The following COBLL1 variants were observed in gnomAD, a reference collection of about 807,000 sequenced individuals.
The protein encoded by COBLL1 is cordon-bleu protein-like 1.
A neutral mutation model predicts 94.8 loss-of-function variants in COBLL1; 50 were observed. The ratio of observed to expected loss-of-function variants is 0.53; its 90% CI spans 0.42 to 0.67. The LOEUF (loss-of-function observed/expected upper bound fraction) is 0.67, where lower values mean the gene tolerates loss of function less well. Among genes scored for constraint, COBLL1 ranks in the 30% least tolerant of loss-of-function variants. The pLI, the probability that COBLL1 is intolerant of heterozygous loss-of-function variation, is 0.00. For synonymous variants in COBLL1, 448 were observed against 473.8 expected (o/e 0.95, Z 0.71); for missense variants, 1,362 against 1,348.7 (o/e 1.01, Z -0.15).
At chr2:164,719,078 C>G (rs1685319451) in intron 7 of COBLL1, among the ~76,000 whole-genome samples, 1 of 152,072 alleles carries the variant, frequency 6.6e-6, no homozygotes, top group African/African-American at 2.4e-5. Flanking sequence ...ATTTCAAAGA[C>G]ACATTAAGTA....
intron 13 of COBLL1, among the ~76,000 whole-genome samples, chr2:164,691,785 T>C (rs1683608928): frequency 6.6e-6 from 1 of 152,218 alleles, no homozygotes; most frequent in African/African-American, 2.4e-5. Flanking sequence ...CACTTTTTTT[T>C]GGTTTAACCT....
intron 7 of COBLL1, among the ~76,000 whole-genome samples, chr2:164,717,916 GTACAGTA>G (rs1685255929): frequency 6.6e-6 from 1 of 152,158 alleles, no homozygotes; most frequent in Non-Finnish European, 1.5e-5. Flanking sequence ...ATTATGCAAT[GTACAGTA>G]TAGTTTAGTT....
chr2:164,726,224 A>C (rs1323718162), intron 5 of COBLL1, among the ~76,000 whole-genome samples: 2 of 152,202 alleles, frequency 1.3e-5, no homozygotes, highest in Non-Finnish European at 2.9e-5. Context: ...AGTCAAGTAC[A>C]AGTAATAAAA....
intron 7 of COBLL1, chr2:164,718,224 G>T (rs1685273557): frequency 2.0e-6 from 2 of 981,916 alleles, no homozygotes. Context: ...GAATTTTGCT[G>T]GAGAACACAA....
chr2:164,708,266 T>C (rs1684706883), intron 7 of COBLL1, among the ~76,000 whole-genome samples: 1 of 152,104 alleles, frequency 6.6e-6, no homozygotes, highest in African/African-American at 2.4e-5. Context: ...CAGCAAGAAA[T>C]GAGTTAAAGC....
At chr2:164,666,718 C>T (rs905367684) in intron 1 of COBLL1, among the ~76,000 whole-genome samples, 2 of 152,192 alleles carry the variant, frequency 1.3e-5, no homozygotes, top group African/African-American at 4.8e-5. Context: ...CAAAAGAACA[C>T]TTTCTTTGCT....
At chr2:164,728,417 C>T (rs552482398) in intron 4 of COBLL1, among the ~76,000 whole-genome samples, 3 of 152,108 alleles carry the variant, frequency 2.0e-5, no homozygotes, top group African/African-American at 4.8e-5. Context: ...ATAATCCAAC[C>T]ATTCTATAGT....
intron 7 of COBLL1, among the ~76,000 whole-genome samples, chr2:164,717,700 C>CACCAACATGCA (rs752572360): frequency 3.3e-5 from 5 of 152,144 alleles, no homozygotes; most frequent in Non-Finnish European, 7.4e-5. Flanking sequence ...ACTGCAGGCA[C>CACCAACATGCA]ACACCAACAT....
chr2:164,704,975 C>A lies in COBLL1; in HGVS notation c.1127G>T (p.Ser376Ile). 6.3e-7 allele frequency: 1 copy of A among 1,591,580 alleles called. No homozygotes were observed. Among genetic ancestry groups the A allele is most frequent in the Non-Finnish European group, 8.5e-7 (1 of 1,172,030 alleles). ...ACCAGTCACACGACTATTTTCATCA[C>A]TTTGATGCGGGGGTATTTTGGAGGG... ...SPPSKIPPHQ[S>I]DENSRVTALQ... Residue 376 changes from serine to isoleucine, a missense_variant, in exon 8 of 14, where the codon AGT (serine) becomes ATT (isoleucine). Physicochemically the swap from Ser to Ile is moderately radical, Grantham distance 142. Coordinates refer to ENST00000652658, the MANE Select transcript of COBLL1 (RefSeq NM_001365672.2).
intron 2 of COBLL1, among the ~76,000 whole-genome samples, chr2:164,750,360 A>C (rs528501458): frequency 6.2e-4 from 94 of 152,220 alleles, no homozygotes; most frequent in Admixed American, 2.6e-3. Flanking sequence ...CAAGCAAAAA[A>C]ACTCCAGCAG....
At chr2:164,746,321 C>T (rs1480315552) in intron 2 of COBLL1, among the ~76,000 whole-genome samples, 1 of 152,086 alleles carries the variant, frequency 6.6e-6, no homozygotes, top group African/African-American at 2.4e-5. Flanking sequence ...GAAGACTAAA[C>T]TTTCAGGGGT....
chr2:164,692,455 T>C, intron 12 of COBLL1, 58 bp from the exon 13 acceptor site: 1 of 1,386,326 alleles, frequency 7.2e-7, no homozygotes, highest in Non-Finnish European at 9.9e-7. Flanking sequence ...GGGCCATTTT[T>C]TGCAAAACAT....
At chr2:164,696,611 C>T (rs1683959096) in intron 11 of COBLL1, 1 of 152,180 alleles carries the variant, frequency 6.6e-6, no homozygotes, top group Non-Finnish European at 1.5e-5. Flanking sequence ...ACCTTCCTCT[C>T]CCTTGCACTA....
intron 2 of COBLL1, among the ~76,000 whole-genome samples, chr2:164,787,473 G>A (rs1350751255): frequency 6.7e-6 from 1 of 148,904 alleles, no homozygotes; most frequent in Non-Finnish European, 1.5e-5. Context: ...ATTAACAGTG[G>A]TAATCATTTT....
Position 164,704,446 on chromosome 2 carries a change from G to C in COBLL1, c.1223C>G (p.Pro408Arg). The change falls in exon 9 of 14, where the codon CCA (proline) becomes CGA (arginine). Residue 408 changes from proline (P) to arginine (R), a missense_variant and splice_region_variant. Transcript: ENST00000652658. Reference sequence around the variant, plus strand: ...CATGTAGAATAAGGGTGTCATACCTGGGCTGGATAGCTCCTCAGGAGAGTT... The same window carrying C: ...CATGTAGAATAAGGGTGTCATACCTCGGCTGGATAGCTCCTCAGGAGAGTT... ...EANSPEELSS[P>R]AGISSDYSLE... The C allele has an allele frequency of 6.2e-7, 1 of 1,603,948 alleles. No homozygotes were observed.
intron 2 of COBLL1, among the ~76,000 whole-genome samples, chr2:164,787,816 C>T (rs1481551924): frequency 6.6e-6 from 1 of 152,198 alleles, no homozygotes; most frequent in Non-Finnish European, 1.5e-5. Flanking sequence ...AGCTTCCCTG[C>T]TCCCATAGGA....
chr2:164,791,816 T>C (rs752705931), intron 2 of COBLL1, among the ~76,000 whole-genome samples: 8 of 151,906 alleles, frequency 5.3e-5, no homozygotes, highest in Non-Finnish European at 7.4e-5. Flanking sequence ...ACAGGTGAGG[T>C]TCTGCTGCTC....
intron 2 of COBLL1, among the ~76,000 whole-genome samples, chr2:164,838,897 A>C (rs978892865): frequency 6.6e-6 from 1 of 152,150 alleles, no homozygotes; most frequent in African/African-American, 2.4e-5. Context: ...CCACTTCCCA[A>C]ATACCCTTAT....
intron 2 of COBLL1, among the ~76,000 whole-genome samples, chr2:164,803,314 C>T (rs1683906852): frequency 6.6e-6 from 1 of 151,984 alleles, no homozygotes; most frequent in African/African-American, 2.4e-5. Flanking sequence ...GCCTGTAATC[C>T]CAGCACTTTG....
Sources: allele counts gnomAD v4.1 joint callset (sites outside exome capture counted in the v4.1 genomes callset), GRCh38; gene constraint gnomAD v4.1.1; transcripts MANE v1.5; gene names NCBI Gene and HGNC (gene_info 2026-07-23, HGNC 2026-07-21).